PCBD2: variants seen among roughly 807,000 people sequenced by gnomAD.
The protein encoded by PCBD2 is pterin-4-alpha-carbinolamine dehydratase 2.
A neutral mutation model predicts 16.4 loss-of-function variants in PCBD2; 12 were observed. That is an observed-to-expected ratio of 0.73 (90% CI 0.47 to 1.19). PCBD2 has a LOEUF of 1.19. Among genes scored for constraint, PCBD2 ranks in the 50% most tolerant of loss-of-function variants. The probability of loss-of-function intolerance (pLI) is 0.00; values close to 1 mark genes in which losing one functional copy is unlikely to be tolerated. For missense variants in PCBD2, 138 were observed against 156.8 expected (o/e 0.88, Z 0.64); for synonymous variants, 58 against 61.8 (o/e 0.94, Z 0.29).
At chr5:134,950,821 C>T (rs978607318) in intron 2 of PCBD2, among the ~76,000 whole-genome samples, 1 of 152,136 alleles carries the variant, frequency 6.6e-6, no homozygotes, top group East Asian at 1.9e-4. Context: ...AGCCATTATA[C>T]GTTATTTGTT....
chr5:134,918,155 A>G (rs1392895742), intron 2 of PCBD2, among the ~76,000 whole-genome samples: 1 of 152,200 alleles, frequency 6.6e-6, no homozygotes, highest in African/African-American at 2.4e-5. Flanking sequence ...CCTGTGGAGG[A>G]TAGGGAAGCA....
intron 2 of PCBD2, among the ~76,000 whole-genome samples, chr5:134,914,130 C>T (rs1285853302): frequency 1.3e-5 from 2 of 152,076 alleles, no homozygotes; most frequent in Non-Finnish European, 2.9e-5. Flanking sequence ...CAGGAGAGGA[C>T]AGGATCAGAT....
intron 2 of PCBD2, among the ~76,000 whole-genome samples, chr5:134,940,972 T>C (rs979069217): frequency 6.6e-6 from 1 of 151,802 alleles, no homozygotes; most frequent in African/African-American, 2.4e-5. Flanking sequence ...GTACAAAAAT[T>C]AGCGTGGTGG....
intron 2 of PCBD2, among the ~76,000 whole-genome samples, chr5:134,956,559 G>A (rs975657381): frequency 1.3e-5 from 2 of 152,158 alleles, no homozygotes; most frequent in Non-Finnish European, 2.9e-5. Flanking sequence ...GTGGCCACAG[G>A]GTGTAAGAAC....
At chr5:134,916,349 G>A (rs1750833322) in intron 2 of PCBD2, among the ~76,000 whole-genome samples, 1 of 152,124 alleles carries the variant, frequency 6.6e-6, no homozygotes, top group African/African-American at 2.4e-5. Context: ...TTGCTCAATA[G>A]GTTATGAGCA....
intron 3 of PCBD2, among the ~76,000 whole-genome samples, chr5:134,959,917 G>A (rs1751456776): frequency 8.4e-6 from 1 of 119,312 alleles, no homozygotes; most frequent in South Asian, 2.9e-4. Flanking sequence ...TTGAGTTGGA[G>A]TCTGGCTCTG....
At chr5:134,922,398 C>A (rs960319933) in intron 2 of PCBD2, among the ~76,000 whole-genome samples, 2 of 151,978 alleles carry the variant, frequency 1.3e-5, no homozygotes, top group African/African-American at 2.4e-5. Flanking sequence ...CCTTTCCATG[C>A]CCCATCTCAC....
chr5:134,907,308 G>A (rs774838733), intron 1 of PCBD2, among the ~76,000 whole-genome samples: 10 of 152,138 alleles, frequency 6.6e-5, no homozygotes, highest in African/African-American at 9.7e-5. Context: ...GCAGTGGTGC[G>A]GTCTTGGCGC....
intron 2 of PCBD2, among the ~76,000 whole-genome samples, chr5:134,928,741 A>G (rs1026451590): frequency 1.3e-5 from 2 of 152,184 alleles, no homozygotes; most frequent in Non-Finnish European, 2.9e-5. Flanking sequence ...AGGCTGAGGC[A>G]GGAGAATGGT....
chr5:134,957,685 C>G (rs1212963595), intron 2 of PCBD2, among the ~76,000 whole-genome samples: 4 of 152,122 alleles, frequency 2.6e-5, no homozygotes, highest in Non-Finnish European at 5.9e-5. Context: ...ATAGTGAGAC[C>G]CTGTCTCTAT....
intron 2 of PCBD2, among the ~76,000 whole-genome samples, chr5:134,947,060 G>T (rs1005701998): frequency 1.3e-5 from 2 of 151,908 alleles, no homozygotes; most frequent in Middle Eastern, 3.2e-3. Flanking sequence ...AAGTTAGGGA[G>T]TAGACTGTCA....
rs1751488387 is a variant in PCBD2 at position 134,962,348 on chromosome 5, CCT to C, written c.*1671_*1672del. On this transcript the variant is annotated 3_prime_UTR_variant, in exon 4 of 4. Transcript: ENST00000254908. ...GGCTCGAGTAATCCTCCTGCCTTGG[CCT>C]CTCAAAATGTTGGGATTACAGGTGT... 6.6e-6 allele frequency among the ~76,000 whole-genome samples: 1 copy of C among 152,012 alleles called. No individual in the cohort carries two copies. The highest frequency in any genetic ancestry group is 2.1e-4 in the South Asian group (1 of 4,822).
At chr5:134,925,396 T>C (rs1486087466) in intron 2 of PCBD2, 1 of 398,368 alleles carries the variant, frequency 2.5e-6, no homozygotes, top group African/African-American at 2.1e-5. Context: ...TTTTCGAATA[T>C]CTTGTTCATT....
At chr5:134,920,594 A>C (rs1262930338) in intron 2 of PCBD2, among the ~76,000 whole-genome samples, 1 of 152,112 alleles carries the variant, frequency 6.6e-6, no homozygotes, top group African/African-American at 2.4e-5. Context: ...ATCCTATCAA[A>C]ACAGCAAATG....
chr5:134,920,662 T>G (rs1750892132), intron 2 of PCBD2, among the ~76,000 whole-genome samples: 1 of 151,640 alleles, frequency 6.6e-6, no homozygotes, highest in Non-Finnish European at 1.5e-5. Flanking sequence ...ATGGAGGCTT[T>G]TTTTTTTTTT....
intron 2 of PCBD2, among the ~76,000 whole-genome samples, chr5:134,944,351 T>G (rs1751266794): frequency 1.3e-5 from 2 of 152,288 alleles, no homozygotes; most frequent in South Asian, 4.1e-4. Context: ...CTCTTTGTCT[T>G]TTTCTTCTAC....
intron 1 of PCBD2, among the ~76,000 whole-genome samples, chr5:134,908,231 GTTT>G (rs80277203): frequency 1.7e-5 from 2 of 115,344 alleles, no homozygotes. Flanking sequence ...CCTAGTAAAT[GTTT>G]TTTTTTTTTT....
At position 134,913,708 on chromosome 5, in the gene PCBD2, C is replaced by G. The variant is rs1403108553; in HGVS notation, c.216+3242C>G. Among the ~76,000 whole-genome samples, 3 of 152,168 alleles carry G rather than the reference C, an allele frequency of 2.0e-5. No individual in the cohort carries two copies. The East Asian group carries it at 5.8e-4, about 29-fold the overall frequency. ...GGAAGCAGGCAGACTCTGTAGAACA[C>G]TGTTGCAGATGTCTAGACCGGGGAT... On this transcript the variant is annotated intron_variant, in intron 2 of 3. Transcript: ENST00000254908.
rs139449894 is a variant in PCBD2 at position 134,942,275 on chromosome 5, A to T, written c.217-16765A>T. On this transcript the variant is annotated intron_variant, in intron 2 of 3. Transcript: ENST00000254908. ...GCACACATGGAGGCTTTGGAGCTGG[A>T]CATAGGGGACTTGAATTTGCATCCC... Among the ~76,000 whole-genome samples the T allele has an allele frequency of 3.7e-3, 561 of 152,114 alleles. 5 individuals carry two copies. Among genetic ancestry groups the T allele is most frequent in the African/African-American group, 0.013 (540 of 41,480 alleles).
Sources: allele counts gnomAD v4.1 joint callset (sites outside exome capture counted in the v4.1 genomes callset), GRCh38; gene constraint gnomAD v4.1.1; transcripts MANE v1.5; gene names NCBI Gene and HGNC (gene_info 2026-07-23, HGNC 2026-07-21).